Variants in SH3BP1 observed in about 807,000 individuals in gnomAD.
SH3BP1 encodes SH3 domain binding protein 1, also known as SH3 domain-binding protein 1.
In SH3BP1, 46 loss-of-function variants were observed where a neutral mutation model predicts 69.8. The observed-to-expected ratio is 0.66, with a 90% CI of 0.52 to 0.84. SH3BP1 has a LOEUF of 0.84. SH3BP1 is among the 40% of genes least tolerant of loss of function. The pLI, the probability that SH3BP1 is intolerant of heterozygous loss-of-function variation, is 0.00. For missense variants in SH3BP1, 868 were observed against 930.9 expected, an observed-to-expected ratio of 0.93 and a Z score of 0.88; for synonymous variants, 403 against 378.0, an observed-to-expected ratio of 1.07 and a Z score of -0.77.
At chr22:37,641,846 G>A in intron 3 of SH3BP1, 1 of 232,448 alleles carries the variant, frequency 4.3e-6, no homozygotes, top group East Asian at 1.1e-4. Flanking sequence ...AAGAGGCAGC[G>A]TTTATTGGCT....
rs763435854 is a variant in SH3BP1 at position 37,647,288 on chromosome 22, G to A, written c.1058G>A (p.Arg353Gln). Residue 353 changes from arginine (R) to glutamine (Q), a missense_variant, in exon 12 of 18, where the codon CGG (arginine) becomes CAG (glutamine). Arg to Gln is a conservative substitution (Grantham distance 43). Transcript: ENST00000649765. ...AVAGALKSYL[R>Q]ELPEPLMTFD... Reference sequence around the variant, plus strand: ...TCAGGTGCCCTCAAGTCCTATCTGCGGGAGCTGCCAGAGCCTCTGATGACC... The same window carrying A: ...TCAGGTGCCCTCAAGTCCTATCTGCAGGAGCTGCCAGAGCCTCTGATGACC... 4.3e-6 allele frequency: 7 copies of A among 1,613,926 alleles called. No homozygotes were observed. The Admixed American group carries it at 6.7e-5, about 15-fold the overall frequency.
In SH3BP1 at chr22:37,646,911, G is replaced by A. The variant is rs535814969; in HGVS notation, c.1018G>A (p.Asp340Asn). 12 of 1,553,062 alleles carry A rather than the reference G, an allele frequency of 7.7e-6. No homozygotes were observed. The highest frequency in any genetic ancestry group is 4.0e-5 in the African/African-American group (3 of 74,156). The change falls in exon 11 of 18, where the codon GAC (aspartate) becomes AAC (asparagine). Residue 340 changes from aspartate to asparagine, a missense_variant. Physicochemically the swap from Asp to Asn is conservative, Grantham distance 23 (BLOSUM62 1). This residue lies in a region of SH3BP1 where 387 missense variants were observed against 447.9 expected (regional missense o/e 0.86). Coordinates refer to ENST00000649765, the MANE Select transcript of SH3BP1 (RefSeq NM_018957.6). Reference sequence around the variant, plus strand: ...CCACAGCCTGGAGGAGTTCTGCTCCGACCCGCACGCTGTGGCAGGTGCCTG... The same window carrying A: ...CCACAGCCTGGAGGAGTTCTGCTCCAACCCGCACGCTGTGGCAGGTGCCTG... ...DPHSLEEFCS[D>N]PHAVAGALKS... is the part of the protein sequence containing the mutation.
rs904447310 is a variant in SH3BP1, at chr22:37,642,794, T to G, written c.285-101T>G. Reference sequence around the variant, plus strand: ...TTCAGCTTAGCAGAGATGAAGGATATCTAGGAGGGGCCGGAAGTGAGGGAG... The same window carrying G: ...TTCAGCTTAGCAGAGATGAAGGATAGCTAGGAGGGGCCGGAAGTGAGGGAG... On this transcript the variant is annotated intron_variant, in intron 4 of 17. Coordinates refer to ENST00000649765, the MANE Select transcript of SH3BP1 (RefSeq NM_018957.6). 3.8e-6 allele frequency: 6 copies of G among 1,593,242 alleles called. No homozygotes were observed. In the African/African-American group the frequency reaches 5.4e-5, roughly 14 times the overall value.
In SH3BP1 at chr22:37,647,519, C is replaced by A. The variant is rs138518983; in HGVS notation, c.1197C>A (p.Leu399=). The stretch of plus-strand genomic sequence containing the variant: ...TACCCCCCGAGAACCTCAGCAACCT[C>A]AGGTGAGCCCGAGCCCGCCTCCCCA... ...SRLPPENLSN[L]RYLMKFLARL... Residue 399 remains leucine, a splice_region_variant and synonymous_variant, in exon 13 of 18, where the codon CTC becomes CTA. Transcript: ENST00000649765. The A allele has an allele frequency of 3.7e-4, 599 of 1,600,322 alleles. 3 individuals are homozygous for A. The African/African-American group carries it at 7.0e-3, about 19-fold the overall frequency.
intron 3 of SH3BP1, chr22:37,642,174 C>CATAT (rs1932620475): frequency 3.5e-6 from 1 of 282,976 alleles, no homozygotes; most frequent in Non-Finnish European, 7.0e-6. Context: ...CTAGGTCAGC[C>CATAT]ATATATACCC....
At chr22:37,650,402 G>A (rs960611138) in intron 15 of SH3BP1, 140 bp from the exon 16 acceptor site, 19 of 1,491,716 alleles carry the variant, frequency 1.3e-5, no homozygotes, top group Non-Finnish European at 1.5e-5. Flanking sequence ...TGCTTTGTGG[G>A]GTGGTGGTGA....
rs1045373685 is a variant in SH3BP1 at position 37,643,416 on chromosome 22, C to T, written c.474-228C>T. On this transcript the variant is annotated intron_variant, in intron 6 of 17. Transcript: ENST00000649765. Reference sequence around the variant, plus strand: ...GCCTGGGATCCTGTAAACAGTCCTGCGGCAGCCCTGTTCTCCCCTCTGTGG... The same window carrying T: ...GCCTGGGATCCTGTAAACAGTCCTGTGGCAGCCCTGTTCTCCCCTCTGTGG... 3 of 671,876 alleles carry T rather than the reference C, an allele frequency of 4.5e-6. No individual in the cohort carries two copies. The South Asian group carries it at 5.6e-5, about 13-fold the overall frequency. 41.6% of individuals were successfully genotyped at this position (671,876 alleles called of 1,614,324 possible). A position where few individuals can be genotyped will look rare whatever the true frequency, so the allele number is the denominator to read the frequency against.
At chr22:37,650,285 G>T (rs1250162268) in intron 15 of SH3BP1, 36 bp downstream of exon 15, 1 of 1,565,458 alleles carries the variant, frequency 6.4e-7, no homozygotes, top group East Asian at 2.4e-5. Context: ...CCTGCTGGGT[G>T]CCCTCCTTCT....
intron 3 of SH3BP1, 55 bp downstream of exon 3, chr22:37,641,533 G>C (rs1601580238): frequency 7.1e-7 from 1 of 1,413,168 alleles, no homozygotes; most frequent in African/African-American, 1.4e-5. Context: ...CCATCCAATG[G>C]GGAAGCAAGG....
Position 37,647,491 on chromosome 22 carries a change from G to A in SH3BP1, c.1169G>A (p.Arg390His), listed in dbSNP as rs1317111545. 5.6e-6 allele frequency: 9 copies of A among 1,606,162 alleles called. No individual in the cohort carries two copies. Among genetic ancestry groups the A allele is most frequent in the South Asian group, 1.1e-5 (1 of 90,922 alleles). The change falls in exon 13 of 18, where the codon CGC (arginine) becomes CAC (histidine). Residue 390 changes from arginine to histidine, a missense_variant. By Grantham distance (29) the Arg-to-His change is conservative. Transcript: ENST00000649765. ...CAGGCCCTCCAAGAGGTGTGCAGCC[G>A]CCTACCCCCCGAGAACCTCAGCAAC... ...RLQALQEVCS[R>H]LPPENLSNLR...
chr22:37,642,268 GT>G, intron 3 of SH3BP1: 1 of 473,520 alleles, frequency 2.1e-6, no homozygotes, highest in East Asian at 3.7e-5. Context: ...CTGCATCTTA[GT>G]TTCCCAGTCT....
rs534852443 is a variant in SH3BP1 at position 37,643,311 on chromosome 22, G to C, written c.473+137G>C. 6.4e-6 allele frequency: 5 copies of C among 779,200 alleles called. No homozygotes were observed. In the East Asian group the frequency reaches 1.1e-4, roughly 17 times the overall value. The allele number at this position is 779,200 out of a possible 1,614,324, so 48.3% of individuals were successfully genotyped here. ...CAGTGTGTGTACTTGTGCACGCCTGGTCCCTAGGAGCACAGGTGGTTAGCG... is the reference window on the plus strand; with the variant it reads ...CAGTGTGTGTACTTGTGCACGCCTGCTCCCTAGGAGCACAGGTGGTTAGCG... On this transcript the variant is annotated intron_variant, in intron 6 of 17. Coordinates refer to ENST00000649765, the MANE Select transcript of SH3BP1 (RefSeq NM_018957.6).
chr22:37,641,311 A>G, intron 2 of SH3BP1, 63 bp from the exon 3 acceptor site: 2 of 1,533,488 alleles, frequency 1.3e-6, no homozygotes, highest in South Asian at 1.2e-5. Flanking sequence ...GGGACAGGAG[A>G]AAGTTTCCTG....
chr22:37,648,629 T>C, intron 14 of SH3BP1, 194 bp downstream of exon 14: 1 of 544,830 alleles, frequency 1.8e-6, no homozygotes, highest in Non-Finnish European at 3.3e-6. Flanking sequence ...GAGGCAATTC[T>C]GGCATTTTGG....
intron 10 of SH3BP1, among the ~76,000 whole-genome samples, chr22:37,646,089 C>G (rs1932781695): frequency 6.7e-6 from 1 of 149,084 alleles, no homozygotes. Flanking sequence ...GCCTCAACTT[C>G]ACAAGTAGCT....
intron 10 of SH3BP1, among the ~76,000 whole-genome samples, chr22:37,646,030 G>A (rs1454601532): frequency 6.8e-6 from 1 of 147,602 alleles, no homozygotes; most frequent in Non-Finnish European, 1.5e-5. Flanking sequence ...GCAGTGGCGT[G>A]ATCTCGGCTC....
Position 37,655,265 on chromosome 22 carries a change from T to A in SH3BP1, c.1694-7T>A. The A allele has an allele frequency of 6.3e-7, 1 of 1,583,038 alleles. No homozygotes were observed. Among genetic ancestry groups the A allele is most frequent in the African/African-American group, 1.4e-5 (1 of 73,592 alleles). On this transcript the variant is annotated splice_region_variant and splice_polypyrimidine_tract_variant and intron_variant, in intron 17 of 17. Coordinates refer to ENST00000649765, the MANE Select transcript of SH3BP1 (RefSeq NM_018957.6). ...TCAGCCTCCCTCACCCTTTCCTTCC[T>A]CAACAGCCAAGCGCCCGGCGCCAGC...
intron 9 of SH3BP1, 22 bp from the exon 10 acceptor site, chr22:37,645,343 C>T (rs766138105): frequency 1.3e-6 from 2 of 1,590,762 alleles, no homozygotes; most frequent in Admixed American, 3.4e-5. Flanking sequence ...CCCTGGGCCG[C>T]TGATCTGTTT....
At position 37,646,847 on chromosome 22, in the gene SH3BP1, G is replaced by A. The variant is rs768374503; in HGVS notation, c.954G>A (p.Ser318=). 70 of 1,553,076 alleles carry A rather than the reference G, an allele frequency of 4.5e-5. 2 individuals carry two copies. The South Asian group carries it at 7.0e-4, about 15-fold the overall frequency. ...EGLFRLAAGA[S]VLKRLKQTMA... ...TCTTCCGTCTGGCTGCTGGGGCCTCGGTGCTGAAGCGTCTCAAGCAGACAA... is the reference window on the plus strand; with the variant it reads ...TCTTCCGTCTGGCTGCTGGGGCCTCAGTGCTGAAGCGTCTCAAGCAGACAA... Residue 318 remains serine, a synonymous_variant, in exon 11 of 18, where the codon TCG becomes TCA. Transcript: ENST00000649765.
Sources: allele counts gnomAD v4.1 joint callset (sites outside exome capture counted in the v4.1 genomes callset), GRCh38; gene constraint gnomAD v4.1.1; regional missense constraint gnomAD v4.1.1; transcripts MANE v1.5; gene names NCBI Gene and HGNC (gene_info 2026-07-23, HGNC 2026-07-21).